The following EPHA5 variants were observed in gnomAD, a reference collection of about 807,000 sequenced individuals.
The protein encoded by EPHA5 is EPH receptor A5, also known as ephrin type-A receptor 5.
A neutral mutation model predicts 105.0 loss-of-function variants in EPHA5; 60 were observed. That is an observed-to-expected ratio of 0.57 (90% CI 0.46 to 0.71). The LOEUF (loss-of-function observed/expected upper bound fraction) is 0.71. EPHA5 is among the 30% of genes least tolerant of loss of function. EPHA5 has a pLI of 0.00. For missense variants in EPHA5, 1,218 were observed against 1,274.7 expected (o/e 0.96, Z 0.68); for synonymous variants, 513 against 449.1 (o/e 1.14, Z -1.80).
chr4:65,582,611 G>A (rs568431616), intron 3 of EPHA5, among the ~76,000 whole-genome samples: 1 of 151,756 alleles, frequency 6.6e-6, no homozygotes, highest in South Asian at 2.1e-4. Flanking sequence ...CCAGATGAGT[G>A]AAGGTTACAG....
At chr4:65,581,371 C>G (rs764665300) in intron 3 of EPHA5, among the ~76,000 whole-genome samples, 3 of 151,602 alleles carry the variant, frequency 2.0e-5, no homozygotes, top group Non-Finnish European at 4.4e-5. Context: ...AGGGTCTCAG[C>G]TAAGAAGTCA....
chr4:65,667,196 CATAA>C (rs964226190), intron 1 of EPHA5, among the ~76,000 whole-genome samples: 2 of 152,076 alleles, frequency 1.3e-5, no homozygotes, highest in Admixed American at 1.3e-4. Context: ...AATATTTTAG[CATAA>C]ATAAATATTT....
chr4:65,351,168 T>A (rs896220031), intron 13 of EPHA5, among the ~76,000 whole-genome samples: 4 of 152,014 alleles, frequency 2.6e-5, no homozygotes, highest in Non-Finnish European at 4.4e-5. Flanking sequence ...TCAGAAAAAA[T>A]GAATTATGAA....
intron 15 of EPHA5, among the ~76,000 whole-genome samples, chr4:65,335,119 C>T (rs1257045834): frequency 2.6e-5 from 4 of 151,806 alleles, no homozygotes; most frequent in Admixed American, 2.6e-4. Context: ...CTCATTTAGT[C>T]CATGCTAATA....
intron 3 of EPHA5, among the ~76,000 whole-genome samples, chr4:65,509,551 T>C (rs934429970): frequency 6.6e-6 from 1 of 152,206 alleles, no homozygotes; most frequent in Admixed American, 6.6e-5. Flanking sequence ...TTTTGTAAGA[T>C]GAGAACTTAA....
chr4:65,507,679 C>T (rs955432352), intron 3 of EPHA5, among the ~76,000 whole-genome samples: 1 of 151,912 alleles, frequency 6.6e-6, no homozygotes, highest in Non-Finnish European at 1.5e-5. Flanking sequence ...GTCTGTTATT[C>T]GTGTATAAGA....
chr4:65,614,456 T>A (rs1745048746), intron 2 of EPHA5, among the ~76,000 whole-genome samples: 1 of 151,878 alleles, frequency 6.6e-6, no homozygotes, highest in African/African-American at 2.4e-5. Context: ...CTTGATATGA[T>A]AAGGAAGCTA....
chr4:65,518,556 C>T (rs1245592560), intron 3 of EPHA5, among the ~76,000 whole-genome samples: 1 of 151,962 alleles, frequency 6.6e-6, no homozygotes, highest in Non-Finnish European at 1.5e-5. Flanking sequence ...TGAACAATCT[C>T]TGGATATAAC....
chr4:65,459,702 A>G (rs1345919681), intron 5 of EPHA5, among the ~76,000 whole-genome samples: 1 of 151,832 alleles, frequency 6.6e-6, no homozygotes, highest in South Asian at 2.1e-4. Flanking sequence ...TTTTCCAAAC[A>G]TGGAAACAAT....
intron 3 of EPHA5, among the ~76,000 whole-genome samples, chr4:65,507,723 C>G (rs1449337529): frequency 1.3e-5 from 2 of 151,970 alleles, no homozygotes; most frequent in Admixed American, 1.3e-4. Flanking sequence ...ATTTTGTATC[C>G]TGAGACTGCT....
chr4:65,488,885 ATTTT>A (rs5858962), intron 5 of EPHA5, among the ~76,000 whole-genome samples: 1 of 117,790 alleles, frequency 8.5e-6, no homozygotes, highest in Non-Finnish European at 1.7e-5. Context: ...AGCTGCATGC[ATTTT>A]TTTTTTTTTT....
chr4:65,493,350 C>G (rs941920823), intron 4 of EPHA5, among the ~76,000 whole-genome samples: 1 of 151,902 alleles, frequency 6.6e-6, no homozygotes, highest in Non-Finnish European at 1.5e-5. Flanking sequence ...TTCCTGTAGG[C>G]TTATAAAATG....
chr4:65,512,766 C>A (rs28546764), intron 3 of EPHA5, among the ~76,000 whole-genome samples: 1 of 151,866 alleles, frequency 6.6e-6, no homozygotes, highest in South Asian at 2.1e-4. Context: ...CAGACTAATA[C>A]AACATTTTAA....
At chr4:65,631,185 A>T (rs1746598595) in intron 2 of EPHA5, among the ~76,000 whole-genome samples, 1 of 152,192 alleles carries the variant, frequency 6.6e-6, no homozygotes, top group Non-Finnish European at 1.5e-5. Flanking sequence ...TGCTTTTGAT[A>T]AACATTCCCT....
At chr4:65,669,512 C>T (rs1408282587) in intron 1 of EPHA5, 50 bp downstream of exon 1, 10 of 1,321,520 alleles carry the variant, frequency 7.6e-6, no homozygotes, top group Non-Finnish European at 9.7e-6. Flanking sequence ...CCAGGCCCCG[C>T]CTAGCCCCTC....
intron 1 of EPHA5, chr4:65,669,326 C>T (rs1750248103): frequency 1.1e-6 from 1 of 918,186 alleles, no homozygotes; most frequent in Non-Finnish European, 1.3e-6. Context: ...CCCCAACCAG[C>T]CTCTGTCCAC....
chr4:65,375,431 T>C (rs1718899795), intron 8 of EPHA5, among the ~76,000 whole-genome samples: 1 of 151,932 alleles, frequency 6.6e-6, no homozygotes, highest in Non-Finnish European at 1.5e-5. Flanking sequence ...AAATAAGAAT[T>C]CTGCCCTTCT....
At chr4:65,487,806 T>C (rs977359131) in intron 5 of EPHA5, among the ~76,000 whole-genome samples, 1 of 152,196 alleles carries the variant, frequency 6.6e-6, no homozygotes. Flanking sequence ...TCTGGTCTCC[T>C]GCTTAGCTGG....
intron 3 of EPHA5, chr4:65,573,773 G>C (rs558991336): frequency 2.0e-5 from 32 of 1,612,750 alleles, no homozygotes; most frequent in African/African-American, 5.3e-5. Context: ...GCGGTACCCG[G>C]GTGGTTAAAC....
Sources: allele counts gnomAD v4.1 joint callset (sites outside exome capture counted in the v4.1 genomes callset), GRCh38; gene constraint gnomAD v4.1.1; transcripts MANE v1.5; gene names NCBI Gene and HGNC (gene_info 2026-07-23, HGNC 2026-07-21).